The following BLM variants were observed in gnomAD, a reference collection of about 807,000 sequenced individuals.
The protein encoded by BLM is recQ-like DNA helicase BLM.
Under a neutral mutation model 135.3 loss-of-function variants are expected in BLM, and 95 were observed. The ratio of observed to expected loss-of-function variants is 0.70; its 90% CI spans 0.59 to 0.83. BLM has a LOEUF of 0.83. BLM is among the 40% of genes least tolerant of loss of function. BLM has a pLI of 0.00. For missense variants in BLM, 1,518 were observed against 1,663.9 expected (o/e 0.91, Z 1.53); for synonymous variants, 520 against 589.2 (o/e 0.88, Z 1.70).
chr15:90,795,594 C>T (rs1897011123), intron 16 of BLM, among the ~76,000 whole-genome samples: 1 of 152,152 alleles, frequency 6.6e-6, no homozygotes, highest in African/African-American at 2.4e-5. Context: ...CATCTCCTCC[C>T]ACCCCACCCC....
In BLM at chr15:90,815,097, T is replaced by C. The variant is rs200653178; in HGVS notation, c.4077-5T>C. 4.2e-5 allele frequency: 68 copies of C among 1,613,808 alleles called. No individual in the cohort carries two copies. The highest frequency in any genetic ancestry group is 4.7e-5 in the Non-Finnish European group (56 of 1,180,026). ...ATTTTGATTTTTTTCTTTGTCACAT[T>C]TCAGGGGGTCTGCCACATGTAGAAA... is the stretch of plus-strand genomic sequence containing the variant. On this transcript the variant is annotated splice_region_variant and splice_polypyrimidine_tract_variant and intron_variant, in intron 21 of 21. Transcript: ENST00000355112. The surrounding 1 kb of genome is among the most constrained non-coding windows in gnomAD (Gnocchi z 4.6).
chr15:90,783,907 T>G (rs1896677870), intron 13 of BLM, among the ~76,000 whole-genome samples: 1 of 151,944 alleles, frequency 6.6e-6, no homozygotes, highest in South Asian at 2.1e-4. Flanking sequence ...AAAAAGAAAA[T>G]TTAGAAAGCA....
chr15:90,743,528 G>T (rs1567032364), intron 1 of BLM, among the ~76,000 whole-genome samples: 1 of 151,568 alleles, frequency 6.6e-6, no homozygotes, highest in Admixed American at 6.6e-5. Context: ...TGTTATTGTG[G>T]ATGAACAATT....
Position 90,749,984 on chromosome 15 carries a change from A to G in BLM, c.716A>G (p.Asp239Gly), listed in dbSNP as rs751699247. Reference protein sequence around the residue: ...EWLSSDVICIDDGPIAEVHIN... With the variant: ...EWLSSDVICIGDGPIAEVHIN... ...TTAAGCAGCGATGTGATTTGCATCG[A>G]TGATGGCCCCATTGCTGAAGTGCAT... Residue 239 changes from aspartate (D) to glycine (G), a missense_variant, in exon 3 of 22, where the codon GAT (aspartate) becomes GGT (glycine). Asp to Gly is a moderately conservative substitution (Grantham distance 94, BLOSUM62 -1). Transcript: ENST00000355112. The G allele has an allele frequency of 3.5e-5, 56 of 1,614,120 alleles. No homozygotes were observed. Among genetic ancestry groups the G allele is most frequent in the Non-Finnish European group, 4.7e-5 (56 of 1,180,046 alleles).
intron 1 of BLM, among the ~76,000 whole-genome samples, chr15:90,726,897 G>A (rs972567144): frequency 1.3e-5 from 2 of 152,192 alleles, no homozygotes; most frequent in African/African-American, 4.8e-5. Flanking sequence ...AAGCATGGGG[G>A]TGCAGATGTC....
At chr15:90,778,846 G>A (rs149246074) in intron 12 of BLM, among the ~76,000 whole-genome samples, 26 of 151,138 alleles carry the variant, frequency 1.7e-4, no homozygotes, top group African/African-American at 6.1e-4. Flanking sequence ...ATGCCCAGGA[G>A]TGAAATTATT....
rs142723411 is a variant in BLM, at chr15:90,790,808, T to A, written c.2983T>A (p.Tyr995Asn). 2 of 1,614,176 alleles carry A rather than the reference T, an allele frequency of 1.2e-6. No homozygotes were observed. Among genetic ancestry groups the A allele is most frequent in the Non-Finnish European group, 1.7e-6 (2 of 1,180,014 alleles). ...EISHCLLFYT[Y>N]HDVTRLKRLI... ...ATCTCACTGCCTGCTTTTCTATACC[T>A]ATCATGATGTGACCAGACTGAAAAG... The change falls in exon 15 of 22, where the codon TAT (tyrosine) becomes AAT (asparagine). Residue 995 changes from tyrosine to asparagine, a missense_variant. This residue lies in a region of BLM where 626 missense variants were observed against 681.1 expected (regional missense o/e 0.92). Coordinates refer to ENST00000355112, the MANE Select transcript of BLM (RefSeq NM_000057.4).
intron 19 of BLM, among the ~76,000 whole-genome samples, chr15:90,806,992 A>C (rs1285937311): frequency 2.0e-5 from 3 of 152,226 alleles, no homozygotes; most frequent in African/African-American, 7.2e-5. Flanking sequence ...CCTGTATGAA[A>C]AATACATATA....
chr15:90,745,436 G>T (rs1033837092), intron 1 of BLM, among the ~76,000 whole-genome samples: 2 of 152,166 alleles, frequency 1.3e-5, no homozygotes, highest in Admixed American at 6.5e-5. Flanking sequence ...TTGAAACAGG[G>T]TCTTGCTCTG....
intron 5 of BLM, among the ~76,000 whole-genome samples, chr15:90,759,003 A>C (rs1895889942): frequency 6.6e-6 from 1 of 152,246 alleles, no homozygotes; most frequent in Non-Finnish European, 1.5e-5. Context: ...TTGTGTTGGC[A>C]CAGTGAGCTT....
intron 14 of BLM, chr15:90,790,274 C>A: frequency 6.4e-6 from 2 of 313,708 alleles, no homozygotes; most frequent in South Asian, 5.9e-5. Flanking sequence ...CTTGTGATCA[C>A]TGACCTGGAT....
intron 17 of BLM, among the ~76,000 whole-genome samples, chr15:90,801,870 AC>A (rs28385128): frequency 0.053 from 8,074 of 152,228 alleles, 321 homozygotes; most frequent in Middle Eastern, 0.1. Flanking sequence ...AGCCTGAGCA[AC>A]CTGGCGAAAC....
rs1252472704 is a variant in BLM at position 90,801,150 on chromosome 15, AAAAAAAAAAAGTTGT to A, written c.3359-2360_3359-2346del. ...GGTGACAGAGCAAGACTCCATCTCA[AAAAAAAAAAAGTTGT>A]AAAAAAAAAAAAAGTTGGTAAAATG... is the stretch of plus-strand genomic sequence containing the variant. On this transcript the variant is annotated intron_variant, in intron 17 of 21. Coordinates refer to ENST00000355112, the MANE Select transcript of BLM (RefSeq NM_000057.4). 5.4e-5 allele frequency among the ~76,000 whole-genome samples: 3 copies of A among 55,972 alleles called. No individual in the cohort carries two copies. In the East Asian group the frequency reaches 3.1e-3, roughly 58 times the overall value. The allele number at this position is 55,972 out of a possible 152,430, so 36.7% of individuals were successfully genotyped here.
chr15:90,754,302 A>G (rs1895759009), intron 4 of BLM, among the ~76,000 whole-genome samples: 1 of 152,202 alleles, frequency 6.6e-6, no homozygotes, highest in African/African-American at 2.4e-5. Flanking sequence ...CTGTGTGGTG[A>G]GGTAATTATA....
At chr15:90,761,351 A>G (rs1369959121) in intron 7 of BLM, 96 bp downstream of exon 7, 1 of 992,836 alleles carries the variant, frequency 1.0e-6, no homozygotes, top group Non-Finnish European at 1.4e-6. Flanking sequence ...CATTGCCTGA[A>G]AACATTGTTG....
intron 1 of BLM, 146 bp downstream of exon 1, chr15:90,717,586 A>G (rs1224763024): frequency 6.6e-6 from 1 of 152,302 alleles, no homozygotes; most frequent in Non-Finnish European, 1.5e-5. Flanking sequence ...TCTGGCCAAC[A>G]TCCTGGGAGG....
chr15:90,800,937 C>T (rs1897150115), intron 17 of BLM, among the ~76,000 whole-genome samples: 1 of 152,096 alleles, frequency 6.6e-6, no homozygotes, highest in Non-Finnish European at 1.5e-5. Context: ...CACTTGAGGT[C>T]AGGAGTTTGA....
intron 16 of BLM, 115 bp downstream of exon 16, chr15:90,794,472 A>C (rs917849020): frequency 5.2e-5 from 40 of 770,972 alleles, no homozygotes; most frequent in African/African-American, 5.0e-4. Context: ...CAGGGGAAAG[A>C]CAGCTTCCTT....
chr15:90,747,127 A>G lies in BLM; in HGVS notation c.-4-262A>G, dbSNP rs565883230. 1.4e-4 allele frequency among the ~76,000 whole-genome samples: 21 copies of G among 149,706 alleles called. No individual in the cohort carries two copies. The South Asian group carries it at 4.5e-3, about 32-fold the overall frequency. ...TTTTGTACTTATTTTAGCATTGTGGAGGAAGAGAGGGGGAACCTGGTTATT... is the reference window on the plus strand; with the variant it reads ...TTTTGTACTTATTTTAGCATTGTGGGGGAAGAGAGGGGGAACCTGGTTATT... On this transcript the variant is annotated intron_variant, in intron 1 of 21. Coordinates refer to ENST00000355112, the MANE Select transcript of BLM (RefSeq NM_000057.4).
Sources: gnomAD v4.1 joint callset for allele counts (sites outside exome capture counted in the v4.1 genomes callset) on GRCh38, gnomAD v4.1.1 for gene constraint, gnomAD v4.1.1 regional missense constraint, Gnocchi (gnomAD v3.1) non-coding constraint, MANE v1.5 for transcripts, NCBI Gene and HGNC (gene_info 2026-07-23, HGNC 2026-07-21) for gene names.